Variants in PDE11A observed in about 807,000 individuals in gnomAD.
PDE11A encodes the protein phosphodiesterase 11A.
A neutral mutation model predicts 100.5 loss-of-function variants in PDE11A; 100 were observed. That is an observed-to-expected ratio of 1.00 (90% CI 0.85 to 1.18). The LOEUF is 1.18. PDE11A is among the 50% of genes most tolerant of loss of function. The probability of loss-of-function intolerance (pLI) is 0.00; values close to 1 mark genes in which losing one functional copy is unlikely to be tolerated. For missense variants in PDE11A, 1,141 were observed against 1,152.6 expected (o/e 0.99, Z 0.15); for synonymous variants, 381 against 420.8 (o/e 0.91, Z 1.16).
chr2:177,696,603 G>T (rs1331702400), intron 15 of PDE11A, among the ~76,000 whole-genome samples: 1 of 152,178 alleles, frequency 6.6e-6, no homozygotes, highest in African/African-American at 2.4e-5. Flanking sequence ...GTAAATGGGT[G>T]TTAGGAAAAT....
At chr2:178,052,177 T>G (rs1574369574) in intron 1 of PDE11A, among the ~76,000 whole-genome samples, 1 of 152,186 alleles carries the variant, frequency 6.6e-6, no homozygotes, top group East Asian at 1.9e-4. Context: ...CAGACCACAG[T>G]GCAATCAAAT....
At chr2:177,786,492 C>T (rs1047498285) in intron 9 of PDE11A, among the ~76,000 whole-genome samples, 22 of 152,206 alleles carry the variant, frequency 1.4e-4, no homozygotes, top group African/African-American at 3.4e-4. Context: ...TCTCCTCCTC[C>T]AAAGGAACGC....
intron 18 of PDE11A, among the ~76,000 whole-genome samples, chr2:177,667,575 C>G (rs1297377201): frequency 6.6e-6 from 1 of 152,164 alleles, no homozygotes; most frequent in Non-Finnish European, 1.5e-5. Flanking sequence ...CTAGTCACTT[C>G]TTAATCAATG....
At chr2:178,104,573 A>T in intron 1 of PDE11A, 1 of 1,015,054 alleles carries the variant, frequency 9.9e-7, no homozygotes, top group Non-Finnish European at 1.5e-6. Context: ...GACTGAAGTG[A>T]ATGCTGATGA....
At chr2:177,636,635 G>T (rs570223809) in intron 19 of PDE11A, among the ~76,000 whole-genome samples, 1 of 152,060 alleles carries the variant, frequency 6.6e-6, no homozygotes, top group African/African-American at 2.4e-5. Context: ...GAACTCACTC[G>T]TGGTCATTCA....
intron 13 of PDE11A, among the ~76,000 whole-genome samples, chr2:177,711,500 A>G (rs560495671): frequency 8.1e-4 from 123 of 152,370 alleles, no homozygotes; most frequent in Non-Finnish European, 1.5e-3. Flanking sequence ...GGAGGAAAAA[A>G]GTAGACCCTT....
intron 17 of PDE11A, among the ~76,000 whole-genome samples, chr2:177,671,033 G>A (rs1416641115): frequency 1.3e-5 from 2 of 151,926 alleles, no homozygotes; most frequent in Non-Finnish European, 2.9e-5. Context: ...TTCTTTCTCT[G>A]GCCTTCCTTT....
intron 2 of PDE11A, among the ~76,000 whole-genome samples, chr2:177,971,459 C>T (rs1181857143): frequency 6.6e-6 from 1 of 152,176 alleles, no homozygotes; most frequent in Non-Finnish European, 1.5e-5. Context: ...CCTACCTCCA[C>T]AGATACTTTC....
At chr2:178,074,622 T>G (rs1367102990), upstream of PDE11A, among the ~76,000 whole-genome samples, 1 of 152,174 alleles carries the variant, frequency 6.6e-6, no homozygotes, top group Non-Finnish European at 1.5e-5. Flanking sequence ...AGCAGTTGTT[T>G]GGCATTTATC....
Position 177,628,173 on chromosome 2 carries a change from G to C in PDE11A, c.*1234C>G, listed in dbSNP as rs769201053. On this transcript the variant is annotated 3_prime_UTR_variant, in exon 20 of 20. Coordinates refer to ENST00000286063, the MANE Select transcript of PDE11A (RefSeq NM_016953.4). ...ATCGTTTCCTAGTGTAATCTAATTT[G>C]ACAAATAAGGAAACAAGCTTGTAGA... 5 of 152,632 alleles carry C rather than the reference G, an allele frequency of 3.3e-5. No homozygotes were observed. Among genetic ancestry groups the C allele is most frequent in the African/African-American group, 4.8e-5 (2 of 41,456 alleles). The allele number at this position is 152,632 out of a possible 1,614,324, so 9.5% of individuals were successfully genotyped here. A position where few individuals can be genotyped will look rare whatever the true frequency, so the allele number is the denominator to read the frequency against.
chr2:177,931,929 AAG>A (rs1287579077), intron 2 of PDE11A, among the ~76,000 whole-genome samples: 4 of 151,202 alleles, frequency 2.6e-5, no homozygotes, highest in Non-Finnish European at 5.9e-5. Flanking sequence ...AAAAAAAAAA[AAG>A]AAAGACCCAA....
intron 5 of PDE11A, among the ~76,000 whole-genome samples, chr2:177,871,524 AAATTATTATTATTATT>A (rs2084133572): frequency 7.5e-6 from 1 of 134,218 alleles, no homozygotes; most frequent in African/African-American, 2.7e-5. Context: ...AGTCAGTAGT[AAATTATTATTATTATT>A]ATTATTATTA....
intron 19 of PDE11A, among the ~76,000 whole-genome samples, chr2:177,646,794 T>C (rs919494041): frequency 1.3e-5 from 2 of 152,238 alleles, no homozygotes; most frequent in Non-Finnish European, 2.9e-5. Context: ...TCTGTGCATC[T>C]TTTATCTTTG....
At chr2:177,950,196 C>T (rs1249137370) in intron 2 of PDE11A, among the ~76,000 whole-genome samples, 4 of 151,576 alleles carry the variant, frequency 2.6e-5, no homozygotes, top group Non-Finnish European at 1.5e-5. Flanking sequence ...CTTAACAATA[C>T]TTTCCTACTT....
intron 19 of PDE11A, among the ~76,000 whole-genome samples, chr2:177,632,373 G>C (rs1216917049): frequency 6.6e-6 from 1 of 152,036 alleles, no homozygotes; most frequent in African/African-American, 2.4e-5. Flanking sequence ...TTTGGGGTAA[G>C]GGTTGACACC....
At chr2:177,953,785 T>C (rs551057637) in intron 2 of PDE11A, among the ~76,000 whole-genome samples, 26 of 152,188 alleles carry the variant, frequency 1.7e-4, no homozygotes, top group African/African-American at 6.3e-4. Flanking sequence ...ATGAGGTGAG[T>C]ACAAATCCTT....
At chr2:177,675,262 T>TA (rs11378638) in intron 17 of PDE11A, among the ~76,000 whole-genome samples, 193 bp downstream of exon 17, 88,136 of 139,018 alleles carry the variant, frequency 0.63, 28,908 homozygotes, top group East Asian at 0.77. Flanking sequence ...GAAAGCACGA[T>TA]AAAAAAAAAA....
chr2:178,011,619 A>G (rs1308654209), intron 2 of PDE11A, among the ~76,000 whole-genome samples: 1 of 152,156 alleles, frequency 6.6e-6, no homozygotes, highest in Non-Finnish European at 1.5e-5. Flanking sequence ...AATTAGACAA[A>G]GGTAATTTTT....
chr2:177,881,385 A>G (rs1377237312), intron 4 of PDE11A, among the ~76,000 whole-genome samples: 1 of 149,556 alleles, frequency 6.7e-6, no homozygotes, highest in African/African-American at 2.5e-5. Context: ...CTATCTATCT[A>G]TCCATCTATC....
Sources: gnomAD v4.1 joint callset for allele counts (sites outside exome capture counted in the v4.1 genomes callset) on GRCh38, gnomAD v4.1.1 for gene constraint, MANE v1.5 for transcripts, NCBI Gene and HGNC (gene_info 2026-07-23, HGNC 2026-07-21) for gene names.